Variants in ARHGEF3 observed in about 807,000 individuals in gnomAD.
The protein encoded by ARHGEF3 is Rho guanine nucleotide exchange factor 3, also known as 59.8 kDA protein.
Under a neutral mutation model 63.2 loss-of-function variants are expected in ARHGEF3, and 28 were observed. That is an observed-to-expected ratio of 0.44 (90% CI 0.33 to 0.61). The LOEUF is 0.61. ARHGEF3 is among the 20% of genes least tolerant of loss of function. The pLI is 0.03. For missense variants in ARHGEF3, 533 were observed against 659.3 expected (o/e 0.81, Z 2.10); for synonymous variants, 266 against 254.2 (o/e 1.05, Z -0.44).
chr3:56,899,127 C>G (rs2041420862), intron 3 of ARHGEF3, among the ~76,000 whole-genome samples: 1 of 152,166 alleles, frequency 6.6e-6, no homozygotes, highest in South Asian at 2.1e-4. Flanking sequence ...GAGTTTCAAT[C>G]CACCAACTCC....
Position 56,801,709 on chromosome 3 carries a change from G to C in ARHGEF3, c.90C>G (p.Asp30Glu). ...ELPPASGPAK[D>E]AEEPSNKRVK... ...GTGCAGGGCGCGGCCCTACCTCAGC[G>C]TCCTTGGCCGGACCGCTGGCCGGGG... Residue 30 changes from aspartate (D) to glutamate (E), a missense_variant, in exon 1 of 10, where the codon GAC becomes GAG. Asp to Glu is a conservative substitution (Grantham distance 45). Transcript: ENST00000296315. 6.4e-7 allele frequency: 1 copy of C among 1,558,940 alleles called. No homozygotes were observed. The highest frequency in any genetic ancestry group is 8.7e-7 in the Non-Finnish European group (1 of 1,150,554).
chr3:56,829,764 G>T (rs1355454900), intron 4 of ARHGEF3, among the ~76,000 whole-genome samples: 1 of 152,204 alleles, frequency 6.6e-6, no homozygotes, highest in Non-Finnish European at 1.5e-5. Flanking sequence ...CTGAAACAGT[G>T]GTATTTCAGG....
chr3:56,991,211 T>G (rs891832371), intron 2 of ARHGEF3, among the ~76,000 whole-genome samples: 1 of 152,178 alleles, frequency 6.6e-6, no homozygotes, highest in Non-Finnish European at 1.5e-5. Flanking sequence ...AACTTCCTAG[T>G]GGAAGGCTTT....
At chr3:56,910,238 C>T (rs1232620481) in intron 3 of ARHGEF3, among the ~76,000 whole-genome samples, 1 of 152,150 alleles carries the variant, frequency 6.6e-6, no homozygotes, top group African/African-American at 2.4e-5. Context: ...CCCTCTCTCC[C>T]CCATTTTCTC....
chr3:56,751,806 A>G (rs1004147856), intron 4 of ARHGEF3, among the ~76,000 whole-genome samples: 4 of 152,222 alleles, frequency 2.6e-5, no homozygotes, highest in Admixed American at 2.6e-4. Context: ...AAAGAAAAAG[A>G]GGAAAGAAAC....
chr3:56,761,358 A>T (rs2107794871), intron 2 of ARHGEF3, among the ~76,000 whole-genome samples: 1 of 152,254 alleles, frequency 6.6e-6, no homozygotes, highest in South Asian at 2.1e-4. Flanking sequence ...AAAAACTCCA[A>T]GAGGATGCCT....
At chr3:56,907,828 GAC>G (rs2041738710) in intron 3 of ARHGEF3, among the ~76,000 whole-genome samples, 1 of 152,116 alleles carries the variant, frequency 6.6e-6, no homozygotes, top group Non-Finnish European at 1.5e-5. Flanking sequence ...AGAACACATG[GAC>G]ACACAGAGGG....
At chr3:57,022,100 G>A (rs992405341) in intron 2 of ARHGEF3, among the ~76,000 whole-genome samples, 1 of 151,976 alleles carries the variant, frequency 6.6e-6, no homozygotes, top group Non-Finnish European at 1.5e-5. Context: ...ATGAGACCTT[G>A]TTTCTACAAA....
intron 8 of ARHGEF3, among the ~76,000 whole-genome samples, chr3:56,732,681 C>A (rs2033258898): frequency 6.6e-6 from 1 of 152,098 alleles, no homozygotes; most frequent in Non-Finnish European, 1.5e-5. Context: ...CACCTACAGC[C>A]AGGGTTGCCA....
At chr3:57,053,232 GC>G (rs1704751847) in intron 1 of ARHGEF3, among the ~76,000 whole-genome samples, 1 of 152,186 alleles carries the variant, frequency 6.6e-6, no homozygotes, top group South Asian at 2.1e-4. Flanking sequence ...TAAGGATTGT[GC>G]CAGGGACGGG....
chr3:57,062,381 A>G (rs1705270159), intron 1 of ARHGEF3, among the ~76,000 whole-genome samples: 3 of 152,094 alleles, frequency 2.0e-5, no homozygotes, highest in Admixed American at 6.6e-5. Flanking sequence ...AGCCGAGGGG[A>G]GGGGAACCAT....
In ARHGEF3 at chr3:56,923,077, A is replaced by ATAT. The variant is rs2042191813; in HGVS notation, c.129+35745_129+35746insATA. On this transcript the variant is annotated intron_variant, in intron 3 of 12. Transcript: ENST00000338458. The stretch of plus-strand genomic sequence containing the variant: ...ATATATATATATATATATATATATA[A>ATAT]ATTAGTTGGGCATGGTGGCGTGTGC... Among the ~76,000 whole-genome samples the ATAT allele has an allele frequency of 3.8e-4, 37 of 98,312 alleles. 1 individual carries two copies. The highest frequency in any genetic ancestry group is 2.4e-3 in the Admixed American group (20 of 8,420). The allele number at this position is 98,312 out of a possible 152,430, so 64.5% of individuals were successfully genotyped here.
chr3:56,832,033 G>A (rs1267278946), intron 4 of ARHGEF3, among the ~76,000 whole-genome samples: 1 of 152,174 alleles, frequency 6.6e-6, no homozygotes, highest in African/African-American at 2.4e-5. Context: ...TTGGTCGAGA[G>A]GGGCCAGTGG....
In ARHGEF3 at chr3:56,921,208, GA is replaced by G. The variant is rs200898119; in HGVS notation, c.129+37614del. On this transcript the variant is annotated intron_variant, in intron 3 of 12. Transcript: ENST00000338458. ...GGTGAGACCCTATTCTCCATAAAAA[GA>G]AAAAAAAAAAGACCAAAAAAAAAAA... Among the ~76,000 whole-genome samples the G allele has an allele frequency of 5.3e-3, 587 of 110,336 alleles. 2 individuals carry two copies. The highest frequency in any genetic ancestry group is 0.01 in the African/African-American group (325 of 31,476). The allele number at this position is 110,336 out of a possible 152,430, so 72.4% of individuals were successfully genotyped here.
chr3:56,906,353 G>C (rs895167108), intron 3 of ARHGEF3, among the ~76,000 whole-genome samples: 1 of 152,182 alleles, frequency 6.6e-6, no homozygotes. Flanking sequence ...AGCACTTACT[G>C]GTGCTCTGTG....
At chr3:56,741,237 G>A (rs972941814) in intron 7 of ARHGEF3, among the ~76,000 whole-genome samples, 3 of 146,290 alleles carry the variant, frequency 2.1e-5, no homozygotes, top group African/African-American at 7.7e-5. Context: ...CCAGGCTAGA[G>A]TGCAATGGCG....
At chr3:57,028,257 G>T in intron 2 of ARHGEF3, among the ~76,000 whole-genome samples, 1 of 107,774 alleles carries the variant, frequency 9.3e-6, no homozygotes, top group Non-Finnish European at 1.9e-5. Flanking sequence ...GTTTATTGCA[G>T]CATTATTCAC....
chr3:57,073,788 T>TGGCCACCCAGAGGCCTTGGGTC, intron 1 of ARHGEF3: 3 of 1,614,216 alleles, frequency 1.9e-6, no homozygotes, highest in Non-Finnish European at 2.5e-6. Context: ...ACTCGTTCCA[T>TGGCCACCCAGAGGCCTTGGGTC]GGCCACCCAG....
At chr3:56,893,626 T>C (rs2041195328) in intron 3 of ARHGEF3, among the ~76,000 whole-genome samples, 1 of 151,924 alleles carries the variant, frequency 6.6e-6, no homozygotes. Context: ...ACCAACATGG[T>C]GAAACCCCGT....
Sources: allele counts gnomAD v4.1 joint callset (sites outside exome capture counted in the v4.1 genomes callset), GRCh38; gene constraint gnomAD v4.1.1; transcripts MANE v1.5; gene names NCBI Gene and HGNC (gene_info 2026-07-23, HGNC 2026-07-21).